Variants in ARAP2 observed in about 807,000 individuals in gnomAD.
ARAP2 encodes arf-GAP with Rho-GAP domain, ANK repeat and PH domain-containing protein 2.
In ARAP2, 148 loss-of-function variants were observed where a neutral mutation model predicts 194.5. The ratio of observed to expected loss-of-function variants is 0.76; its 90% CI spans 0.67 to 0.87. ARAP2 has a LOEUF of 0.87. Ranked by LOEUF, ARAP2 falls within the 40% of genes least tolerant of loss-of-function variation. The pLI is 0.00. For synonymous variants in ARAP2, 695 were observed against 683.5 expected, an observed-to-expected ratio of 1.02 and a Z score of -0.26; for missense variants, 2,128 against 1,989.7, an observed-to-expected ratio of 1.07 and a Z score of -1.32.
chr4:36,118,514 T>C lies in ARAP2; in HGVS notation c.3963+1136A>G, dbSNP rs1721944818. ...CTTTTCCAAATACTATTATTTTTACTTACATATACAGACTAAACTGAAAGC... is the reference window on the plus strand; with the variant it reads ...CTTTTCCAAATACTATTATTTTTACCTACATATACAGACTAAACTGAAAGC... On this transcript the variant is annotated intron_variant, in intron 24 of 32. Transcript: ENST00000303965. Among the ~76,000 whole-genome samples, 4 of 151,510 alleles carry C rather than the reference T, an allele frequency of 2.6e-5. No homozygotes were observed. The South Asian group carries it at 8.3e-4, about 31-fold the overall frequency.
At chr4:36,211,991 T>C (rs1263235183) in intron 5 of ARAP2, among the ~76,000 whole-genome samples, 1 of 116,342 alleles carries the variant, frequency 8.6e-6, no homozygotes, top group Non-Finnish European at 1.9e-5. Context: ...TCATGCTTCT[T>C]GCCAGTGCTG....
chr4:36,176,335 C>G (rs1040583970), intron 9 of ARAP2, among the ~76,000 whole-genome samples: 2 of 152,152 alleles, frequency 1.3e-5, no homozygotes, highest in Non-Finnish European at 2.9e-5. Context: ...TTATGCTTTT[C>G]ACACTCAATT....
intron 29 of ARAP2, 100 bp downstream of exon 29, chr4:36,083,268 T>C (rs1430557835): frequency 9.1e-6 from 8 of 881,264 alleles, no homozygotes; most frequent in Admixed American, 2.9e-5. Context: ...TAAAACTTAC[T>C]TTATAAAAAG....
At chr4:36,170,866 CA>C (rs995742314) in intron 9 of ARAP2, among the ~76,000 whole-genome samples, 2 of 151,688 alleles carry the variant, frequency 1.3e-5, no homozygotes, top group African/African-American at 4.8e-5. Context: ...TGCAAAAAAG[CA>C]TAAGACTGGG....
intron 16 of ARAP2, 147 bp from the exon 17 acceptor site, chr4:36,148,654 C>G: frequency 1.6e-6 from 1 of 622,120 alleles, no homozygotes; most frequent in Non-Finnish European, 2.7e-6. Context: ...TAATGGTTTG[C>G]ATTTTATTCA....
intron 8 of ARAP2, among the ~76,000 whole-genome samples, chr4:36,185,801 C>A (rs1272289967): frequency 1.3e-5 from 2 of 151,010 alleles, no homozygotes; most frequent in Non-Finnish European, 2.9e-5. Context: ...CATGGTGAAA[C>A]CCCGTCTCTA....
intron 5 of ARAP2, among the ~76,000 whole-genome samples, chr4:36,028,250 T>G (rs1718270364): frequency 6.6e-6 from 1 of 152,158 alleles, no homozygotes; most frequent in Admixed American, 6.6e-5. Context: ...GAAAAATGTA[T>G]GTAGCGTTAT....
At chr4:36,159,213 A>C (rs1733336709) in intron 14 of ARAP2, 118 bp downstream of exon 14, 8 of 1,116,758 alleles carry the variant, frequency 7.2e-6, no homozygotes, top group Non-Finnish European at 9.6e-6. Flanking sequence ...TCTTTTTGGT[A>C]ATTACATTTT....
intron 1 of ARAP2, among the ~76,000 whole-genome samples, chr4:36,235,845 A>G (rs966093771): frequency 6.6e-6 from 1 of 152,146 alleles, no homozygotes; most frequent in Non-Finnish European, 1.5e-5. Flanking sequence ...TATAAATTAG[A>G]AACATTCTAA....
At chr4:36,054,642 C>A (rs1723200431) in intron 2 of ARAP2, among the ~76,000 whole-genome samples, 1 of 151,970 alleles carries the variant, frequency 6.6e-6, no homozygotes, top group Admixed American at 6.6e-5. Flanking sequence ...TATTTAATTA[C>A]CATGCACAAA....
At position 36,083,473 on chromosome 4, in the gene ARAP2, G is replaced by A. The variant is rs370809878; in HGVS notation, c.4426-23C>T. On this transcript the variant is annotated intron_variant, in intron 28 of 32. Coordinates refer to ENST00000303965, the MANE Select transcript of ARAP2 (RefSeq NM_015230.4). Reference sequence around the variant, plus strand: ...ACTCTGTAAGGTAAAAAAATAATTTGTAATTAAATGGATTTACACATTTCC... The same window carrying A: ...ACTCTGTAAGGTAAAAAAATAATTTATAATTAAATGGATTTACACATTTCC... 63 of 1,458,016 alleles carry A rather than the reference G, an allele frequency of 4.3e-5. 1 individual carries two copies. The highest frequency in any genetic ancestry group is 3.9e-4 in the South Asian group (31 of 80,074). 90.3% of individuals were successfully genotyped at this position (1,458,016 alleles called of 1,614,324 possible).
At chr4:36,020,766 T>G (rs78230502) in intron 5 of ARAP2, among the ~76,000 whole-genome samples, 1 of 152,316 alleles carries the variant, frequency 6.6e-6, no homozygotes, top group African/African-American at 2.4e-5. Context: ...TTTTTGAAAG[T>G]TCACCTTTGG....
chr4:36,134,839 T>C (rs1192126537), intron 19 of ARAP2, among the ~76,000 whole-genome samples: 1 of 151,508 alleles, frequency 6.6e-6, no homozygotes, highest in Non-Finnish European at 1.5e-5. Context: ...ATACTCCAGG[T>C]AAAACTCCTT....
rs143866329 is a variant in ARAP2, at chr4:36,126,824, T to C, written c.3640+1709A>G. Among the ~76,000 whole-genome samples, 18 of 152,120 alleles carry C rather than the reference T, an allele frequency of 1.2e-4. No individual in the cohort carries two copies. In the East Asian group the frequency reaches 3.3e-3, roughly 28 times the overall value. ...CTCAATTTGACAACTTTAGCAAATA[T>C]ATATTTGTCGCTGTTGTTGTTGTTG... On this transcript the variant is annotated intron_variant, in intron 21 of 32. Coordinates refer to ENST00000303965, the MANE Select transcript of ARAP2 (RefSeq NM_015230.4).
chr4:36,147,680 A>G lies in ARAP2; in HGVS notation c.3067T>C (p.Tyr1023His). 2.5e-6 allele frequency: 4 copies of G among 1,613,298 alleles called. No homozygotes were observed. The highest frequency in any genetic ancestry group is 3.4e-6 in the Non-Finnish European group (4 of 1,179,584). The change falls in exon 18 of 33, where the codon TAC becomes CAC. Residue 1023 changes from tyrosine (Y) to histidine (H), a missense_variant. Transcript: ENST00000303965. Reference protein sequence around the residue: ...ADYDLIGQLFYKDCHALDQWR... With the variant: ...ADYDLIGQLFHKDCHALDQWR... The stretch of plus-strand genomic sequence containing the variant: ...TGATCCAGGGCATGGCAGTCTTTGT[A>G]GAAGAGTTGACCAATCAAATCATAG...
intron 27 of ARAP2, among the ~76,000 whole-genome samples, chr4:36,098,405 A>G (rs1715924258): frequency 6.6e-6 from 1 of 151,896 alleles, no homozygotes; most frequent in Non-Finnish European, 1.5e-5. Context: ...TACCTTTCTA[A>G]TGGCTCCAAC....
chr4:36,121,681 T>C (rs1722710657), intron 22 of ARAP2, among the ~76,000 whole-genome samples: 1 of 151,378 alleles, frequency 6.6e-6, no homozygotes, highest in South Asian at 2.1e-4. Context: ...GGCTGCAGCA[T>C]AGGAGGAGGA....
At chr4:36,235,711 A>G (rs1285110797) in intron 1 of ARAP2, among the ~76,000 whole-genome samples, 2 of 152,166 alleles carry the variant, frequency 1.3e-5, no homozygotes, top group Non-Finnish European at 2.9e-5. Context: ...ATTGTTTTAA[A>G]ATGTTGTCTA....
intron 20 of ARAP2, among the ~76,000 whole-genome samples, chr4:36,129,967 C>T (rs1725020846): frequency 6.6e-6 from 1 of 151,876 alleles, no homozygotes; most frequent in African/African-American, 2.4e-5. Context: ...TCCTCTCTGC[C>T]TCAATATTTG....
Sources: gnomAD v4.1 joint callset for allele counts (sites outside exome capture counted in the v4.1 genomes callset) on GRCh38, gnomAD v4.1.1 for gene constraint, MANE v1.5 for transcripts, NCBI Gene and HGNC (gene_info 2026-07-23, HGNC 2026-07-21) for gene names.